SCAI: variants seen among roughly 807,000 people sequenced by gnomAD.
The protein encoded by SCAI is protein SCAI.
A neutral mutation model predicts 92.2 loss-of-function variants in SCAI; 24 were observed. The ratio of observed to expected loss-of-function variants is 0.26; its 90% CI spans 0.19 to 0.37. The LOEUF (loss-of-function observed/expected upper bound fraction) is 0.37. Among genes scored for constraint, SCAI ranks in the 10% least tolerant of loss-of-function variants. The pLI is 1.00. For missense variants in SCAI, 450 were observed against 736.2 expected, an observed-to-expected ratio of 0.61 and a Z score of 4.50; for synonymous variants, 261 against 258.6, an observed-to-expected ratio of 1.01 and a Z score of -0.09.
intron 14 of SCAI, among the ~76,000 whole-genome samples, chr9:124,988,647 A>G (rs1231448069): frequency 6.6e-6 from 1 of 152,146 alleles, no homozygotes; most frequent in African/African-American, 2.4e-5. Flanking sequence ...CTAAAGAAAA[A>G]ATGTATTAAA....
At chr9:125,114,888 C>T (rs1835008167) in intron 2 of SCAI, among the ~76,000 whole-genome samples, 1 of 151,526 alleles carries the variant, frequency 6.6e-6, no homozygotes, top group South Asian at 2.1e-4. Flanking sequence ...ATTCTCCTTC[C>T]TCAGCCTCCC....
chr9:125,048,207 A>T (rs773772436), intron 3 of SCAI, among the ~76,000 whole-genome samples: 24 of 152,078 alleles, frequency 1.6e-4, no homozygotes, highest in Non-Finnish European at 3.2e-4. Context: ...CAAATTCCTA[A>T]CCTCAAGTGA....
At chr9:125,022,936 C>G (rs539612752) in intron 6 of SCAI, among the ~76,000 whole-genome samples, 4 of 152,198 alleles carry the variant, frequency 2.6e-5, no homozygotes, top group South Asian at 4.1e-4. Context: ...TCCCCCTCTA[C>G]CTCTTCTGAA....
intron 2 of SCAI, among the ~76,000 whole-genome samples, chr9:125,088,326 C>A (rs1401680701): frequency 6.6e-6 from 1 of 152,126 alleles, no homozygotes; most frequent in Admixed American, 6.6e-5. Flanking sequence ...GGAGGAGGGG[C>A]CTGATAGGAG....
chr9:125,084,663 C>A (rs888988420), intron 2 of SCAI, among the ~76,000 whole-genome samples: 10 of 152,202 alleles, frequency 6.6e-5, no homozygotes, highest in African/African-American at 2.4e-4. Flanking sequence ...AGGCCACCTG[C>A]AACCCCTTCA....
At chr9:124,970,248 T>C (rs1017335674) in intron 17 of SCAI, among the ~76,000 whole-genome samples, 2 of 152,174 alleles carry the variant, frequency 1.3e-5, no homozygotes, top group African/African-American at 2.4e-5. Flanking sequence ...CACTGCCTAG[T>C]GTTGCACAGT....
At chr9:125,133,340 G>A (rs1410969986) in intron 2 of SCAI, among the ~76,000 whole-genome samples, 1 of 152,064 alleles carries the variant, frequency 6.6e-6, no homozygotes, top group African/African-American at 2.4e-5. Context: ...AGTGAAATGA[G>A]ATCACACCAC....
At chr9:125,117,207 A>G (rs1835062871) in intron 2 of SCAI, among the ~76,000 whole-genome samples, 1 of 152,224 alleles carries the variant, frequency 6.6e-6, no homozygotes. Flanking sequence ...TGCATATAAG[A>G]CACATGCAAT....
intron 17 of SCAI, among the ~76,000 whole-genome samples, chr9:124,969,959 T>C (rs1305117911): frequency 6.6e-6 from 1 of 152,100 alleles, no homozygotes. Flanking sequence ...GTTCAGGCAA[T>C]TCTCCTTCCT....
At chr9:125,118,050 A>T (rs1428082620) in intron 2 of SCAI, among the ~76,000 whole-genome samples, 2 of 151,880 alleles carry the variant, frequency 1.3e-5, no homozygotes, top group Non-Finnish European at 2.9e-5. Flanking sequence ...CCTCTCTTGG[A>T]CTCCTCCTTC....
At chr9:125,072,008 G>C (rs375796241) in intron 2 of SCAI, among the ~76,000 whole-genome samples, 95 of 151,186 alleles carry the variant, frequency 6.3e-4, no homozygotes, top group African/African-American at 2.1e-3. Flanking sequence ...GAGGGCAAGA[G>C]ACAGGGGATA....
At chr9:125,054,787 T>C (rs1833631416) in intron 3 of SCAI, among the ~76,000 whole-genome samples, 1 of 152,204 alleles carries the variant, frequency 6.6e-6, no homozygotes, top group South Asian at 2.1e-4. Flanking sequence ...CTTTGGAATC[T>C]TCCATTTAAC....
intron 2 of SCAI, among the ~76,000 whole-genome samples, chr9:125,134,006 T>C (rs1465388221): frequency 6.6e-6 from 1 of 152,182 alleles, no homozygotes; most frequent in African/African-American, 2.4e-5. Flanking sequence ...ACCCCCTTAG[T>C]TGAGAACCAC....
At chr9:125,037,314 C>T (rs183931795) in intron 3 of SCAI, among the ~76,000 whole-genome samples, 25 of 151,188 alleles carry the variant, frequency 1.7e-4, no homozygotes, top group African/African-American at 6.1e-4. Context: ...GGACTACATG[C>T]CTATGGTCAC....
At chr9:125,015,679 G>C (rs1167680876) in intron 9 of SCAI, among the ~76,000 whole-genome samples, 2 of 151,992 alleles carry the variant, frequency 1.3e-5, no homozygotes, top group African/African-American at 2.4e-5. Context: ...CCCATTACTG[G>C]GTATATACCC....
chr9:125,072,919 GCTTC>G (rs1834005427), intron 2 of SCAI, among the ~76,000 whole-genome samples: 2 of 151,402 alleles, frequency 1.3e-5, no homozygotes, highest in Non-Finnish European at 2.9e-5. Context: ...ACCATATTTT[GCTTC>G]TCCATTCATC....
chr9:125,035,979 T>C (rs890763152), intron 3 of SCAI, among the ~76,000 whole-genome samples: 2 of 152,198 alleles, frequency 1.3e-5, no homozygotes, highest in Non-Finnish European at 2.9e-5. Context: ...TTTACTTCTC[T>C]AATAAACTTG....
At chr9:125,106,122 A>AAAAAGATATAT (rs1554791724) in intron 2 of SCAI, among the ~76,000 whole-genome samples, 1 of 8,858 alleles carries the variant, frequency 1.1e-4, no homozygotes, top group African/African-American at 2.3e-4. Flanking sequence ...AAAAAAAAAA[A>AAAAAGATATAT]ATATATATAT....
At chr9:125,125,528 CA>C (rs113419361) in intron 2 of SCAI, among the ~76,000 whole-genome samples, 15 of 138,496 alleles carry the variant, frequency 1.1e-4, no homozygotes, top group East Asian at 4.3e-4. Context: ...ACTCCATCTC[CA>C]AAAAAAAAAG....
Sources: gnomAD v4.1 joint callset for allele counts (sites outside exome capture counted in the v4.1 genomes callset) on GRCh38, gnomAD v4.1.1 for gene constraint, MANE v1.5 for transcripts, NCBI Gene and HGNC (gene_info 2026-07-23, HGNC 2026-07-21) for gene names.